The following TMEM132B variants were observed in gnomAD, a reference collection of about 807,000 sequenced individuals.
The protein encoded by TMEM132B is transmembrane protein 132B.
In TMEM132B, 18 loss-of-function variants were observed where a neutral mutation model predicts 90.8. The ratio of observed to expected loss-of-function variants is 0.20; its 90% confidence interval spans 0.14 to 0.29. The LOEUF (loss-of-function observed/expected upper bound fraction) is 0.29, where lower values mean the gene tolerates loss of function less well. Among genes scored for constraint, TMEM132B ranks in the 10% least tolerant of loss-of-function variants. TMEM132B has a pLI of 1.00. For missense variants in TMEM132B, 1,096 were observed against 1,326.8 expected, an observed-to-expected ratio of 0.83 and a Z score of 2.70; for synonymous variants, 504 against 523.3, an observed-to-expected ratio of 0.96 and a Z score of 0.50.
intron 2 of TMEM132B, among the ~76,000 whole-genome samples, chr12:125,390,917 G>A (rs1194174204): frequency 6.6e-6 from 1 of 152,170 alleles, no homozygotes; most frequent in African/African-American, 2.4e-5. Flanking sequence ...CTAGGGTTTG[G>A]AGTGATTTGT....
intron 3 of TMEM132B, among the ~76,000 whole-genome samples, chr12:125,471,310 A>G (rs1241766485): frequency 6.6e-6 from 1 of 152,190 alleles, no homozygotes; most frequent in Non-Finnish European, 1.5e-5. Context: ...GTGTCCTGTT[A>G]GAGATGAAAT....
At chr12:125,467,388 C>T (rs1457335217) in intron 3 of TMEM132B, among the ~76,000 whole-genome samples, 1 of 152,128 alleles carries the variant, frequency 6.6e-6, no homozygotes, top group African/African-American at 2.4e-5. Context: ...TCCTCCTCCT[C>T]TTTCTCCTCC....
intron 1 of TMEM132B, among the ~76,000 whole-genome samples, chr12:125,319,764 C>T (rs1353454146): frequency 6.6e-6 from 1 of 152,174 alleles, no homozygotes; most frequent in African/African-American, 2.4e-5. Context: ...CCTGTAATCC[C>T]AGCCCTGTGG....
At chr12:125,474,121 T>G (rs1190101406) in intron 3 of TMEM132B, among the ~76,000 whole-genome samples, 2 of 147,032 alleles carry the variant, frequency 1.4e-5, no homozygotes, top group Non-Finnish European at 3.0e-5. Flanking sequence ...CTTTCTGTCA[T>G]TTTCTTTCCT....
chr12:125,207,685 A>G (rs1402893091), intron 1 of TMEM132B, among the ~76,000 whole-genome samples: 2 of 152,244 alleles, frequency 1.3e-5, no homozygotes, highest in Non-Finnish European at 2.9e-5. Flanking sequence ...CATCTCTGGA[A>G]CTTTTTCATT....
chr12:125,187,041 G>C (rs2136043532), intron 1 of TMEM132B, among the ~76,000 whole-genome samples, 175 bp downstream of exon 1: 1 of 152,296 alleles, frequency 6.6e-6, no homozygotes, highest in Middle Eastern at 3.4e-3. Flanking sequence ...CCTAGCGCCT[G>C]GGGAGAGCCC....
At chr12:125,286,523 AAAT>A (rs1171734838) in intron 1 of TMEM132B, among the ~76,000 whole-genome samples, 1 of 151,962 alleles carries the variant, frequency 6.6e-6, no homozygotes, top group Non-Finnish European at 1.5e-5. Context: ...TAGTATAATA[AAAT>A]AATAAATATT....
chr12:125,525,789 C>T (rs12832769), intron 4 of TMEM132B, among the ~76,000 whole-genome samples: 27,094 of 152,038 alleles, frequency 0.18, 3,011 homozygotes, highest in Non-Finnish European at 0.26. Flanking sequence ...ATGATCTTTG[C>T]CCACTGAGTG....
chr12:125,310,874 C>G (rs1377393286), intron 1 of TMEM132B, among the ~76,000 whole-genome samples: 2 of 152,218 alleles, frequency 1.3e-5, no homozygotes, highest in Non-Finnish European at 2.9e-5. Flanking sequence ...CTCCTTGACT[C>G]AAGGCACAGG....
chr12:125,460,257 G>A lies in TMEM132B; in HGVS notation c.1106+44580G>A, dbSNP rs554617983. Reference sequence around the variant, plus strand: ...TGTAATCCCAGCACTTTGGGAGGCCGAGGTGGGTGGATCACCTGAGGTCAG... The same window carrying A: ...TGTAATCCCAGCACTTTGGGAGGCCAAGGTGGGTGGATCACCTGAGGTCAG... On this transcript the variant is annotated intron_variant, in intron 3 of 8. Transcript: ENST00000682704. The surrounding 1 kb of genome is among the most constrained non-coding windows in gnomAD (Gnocchi z 4.4). Among the ~76,000 whole-genome samples the A allele has an allele frequency of 9.9e-5, 15 of 152,252 alleles. No homozygotes were observed. Among genetic ancestry groups the A allele is most frequent in the Admixed American group, 3.9e-4 (6 of 15,296 alleles).
intron 2 of TMEM132B, among the ~76,000 whole-genome samples, chr12:125,356,366 T>G (rs959920651): frequency 6.6e-6 from 1 of 152,196 alleles, no homozygotes; most frequent in African/African-American, 2.4e-5. Flanking sequence ...GGGGACAGTT[T>G]ATGCTTTAAG....
chr12:125,547,120 A>G (rs895990661), intron 4 of TMEM132B, among the ~76,000 whole-genome samples: 1 of 152,182 alleles, frequency 6.6e-6, no homozygotes, highest in African/African-American at 2.4e-5. Flanking sequence ...CTTGGGGATT[A>G]TGGGAACTAC....
At chr12:125,241,817 A>G (rs1874075485) in intron 1 of TMEM132B, among the ~76,000 whole-genome samples, 3 of 152,146 alleles carry the variant, frequency 2.0e-5, no homozygotes, top group Admixed American at 6.5e-5. Context: ...GATGTGTATG[A>G]ATAGAGTTTG....
At chr12:125,650,986 C>T in intron 7 of TMEM132B, 33 bp downstream of exon 7, 1 of 1,609,232 alleles carries the variant, frequency 6.2e-7, no homozygotes, top group East Asian at 2.2e-5. Context: ...CAACAGCAGT[C>T]TGTGTTGATG....
In TMEM132B at chr12:125,408,972, A is replaced by G. The variant is rs1172528773; in HGVS notation, c.960-6559A>G. On this transcript the variant is annotated intron_variant, in intron 2 of 8. Coordinates refer to ENST00000682704, the MANE Select transcript of TMEM132B (RefSeq NM_001366854.1). This position sits in a 1 kb window ranked among gnomAD's most constrained non-coding sequence, Gnocchi z 5.9. ...GGATACACCAGAGTGGATTGTTAAT[A>G]ATAATAGTGATAATGATAACTAATA... Among the ~76,000 whole-genome samples the G allele has an allele frequency of 6.6e-6, 1 of 152,168 alleles. No individual in the cohort carries two copies. Among genetic ancestry groups the G allele is most frequent in the Non-Finnish European group, 1.5e-5 (1 of 68,030 alleles).
intron 4 of TMEM132B, among the ~76,000 whole-genome samples, chr12:125,519,853 G>A (rs1883263614): frequency 6.6e-6 from 1 of 152,100 alleles, no homozygotes; most frequent in Non-Finnish European, 1.5e-5. Context: ...CTGTTTCCTG[G>A]GGAGCCCTTA....
At chr12:125,326,725 G>C (rs1226993104) in intron 1 of TMEM132B, 4 of 1,560,498 alleles carry the variant, frequency 2.6e-6, no homozygotes, top group Non-Finnish European at 3.5e-6. Context: ...GATGGGACCA[G>C]ACCCAAGGGG....
intron 3 of TMEM132B, among the ~76,000 whole-genome samples, chr12:125,511,411 A>C (rs1451754921): frequency 6.6e-6 from 1 of 152,218 alleles, no homozygotes; most frequent in African/African-American, 2.4e-5. Flanking sequence ...AACTGCAACC[A>C]GGAAGTAGAA....
At chr12:125,511,635 G>A (rs916609203) in intron 3 of TMEM132B, among the ~76,000 whole-genome samples, 1 of 151,912 alleles carries the variant, frequency 6.6e-6, no homozygotes, top group African/African-American at 2.4e-5. Flanking sequence ...GGCGGATCAC[G>A]AGGTTAGGAG....
Sources: allele counts gnomAD v4.1 joint callset (sites outside exome capture counted in the v4.1 genomes callset), GRCh38; gene constraint gnomAD v4.1.1; non-coding constraint Gnocchi (gnomAD v3.1); transcripts MANE v1.5; gene names NCBI Gene and HGNC (gene_info 2026-07-23, HGNC 2026-07-21).